GCKR: variants seen among roughly 807,000 people sequenced by gnomAD.
GCKR encodes the protein glucokinase regulatory protein.
A neutral mutation model predicts 82.9 loss-of-function variants in GCKR; 73 were observed. The observed-to-expected ratio is 0.88, with a 90% CI of 0.73 to 1.07. The LOEUF is 1.07. Ranked by LOEUF, GCKR falls within the 50% of genes least tolerant of loss-of-function variation. GCKR has a pLI of 0.00. For missense variants in GCKR, 784 were observed against 782.1 expected (o/e 1.00, Z -0.03); for synonymous variants, 294 against 291.8 (o/e 1.01, Z -0.08).
intron 9 of GCKR, 135 bp downstream of exon 9, chr2:27,503,754 G>A (rs2148582264): frequency 1.5e-6 from 1 of 676,574 alleles, no homozygotes; most frequent in Middle Eastern, 3.9e-4. Context: ...CAGCTAAAAT[G>A]TTATAAACCA....
chr2:27,499,370 A>G lies in GCKR; in HGVS notation c.496-27A>G, dbSNP rs774177724. On this transcript the variant is annotated intron_variant, in intron 6 of 18. Transcript: ENST00000264717. ...TGTGCCCTGGAATCCTCCCAGTTAC[A>G]CTACCTTGTCCATCCTCCTCTCCTA... The G allele has an allele frequency of 5.7e-5, 91 of 1,587,584 alleles. 1 individual carries two copies. The South Asian group carries it at 9.9e-4, about 17-fold the overall frequency.
chr2:27,506,677 A>G, intron 11 of GCKR, 98 bp downstream of exon 11: 1 of 1,097,244 alleles, frequency 9.1e-7, no homozygotes, highest in Non-Finnish European at 1.4e-6. Context: ...TATGGGCGAT[A>G]GGATTGCATG....
At chr2:27,520,288 AAAG>A (rs1456341206) in intron 17 of GCKR, among the ~76,000 whole-genome samples, 2 of 152,062 alleles carry the variant, frequency 1.3e-5, no homozygotes, top group Non-Finnish European at 2.9e-5. Flanking sequence ...ATTATAGCAA[AAAG>A]AAGGCCTCAT....
At chr2:27,500,010 G>A (rs1669537619) in intron 7 of GCKR, among the ~76,000 whole-genome samples, 1 of 151,980 alleles carries the variant, frequency 6.6e-6, no homozygotes, top group South Asian at 2.1e-4. Context: ...CACCTGCCTC[G>A]CTCAGCCTCT....
chr2:27,511,255 G>A (rs1475153152), intron 16 of GCKR, among the ~76,000 whole-genome samples: 1 of 151,556 alleles, frequency 6.6e-6, no homozygotes, highest in Non-Finnish European at 1.5e-5. Flanking sequence ...CTCGAACTTC[G>A]GACCTCAGGT....
Position 27,517,525 on chromosome 2 carries a change from C to T in GCKR, c.1423-1263C>T, listed in dbSNP as rs187749484. On this transcript the variant is annotated intron_variant, in intron 16 of 18. Transcript: ENST00000264717. ...CTATCCCAAGAACAGCATGGGGGAA[C>T]GCCCCCTGCCCCCCATGATTCAATT... Among the ~76,000 whole-genome samples, 45 of 152,224 alleles carry T rather than the reference C, an allele frequency of 3.0e-4. 1 individual carries two copies. Among genetic ancestry groups the T allele is most frequent in the African/African-American group, 9.6e-4 (40 of 41,540 alleles).
chr2:27,518,529 A>G (rs1670064367), intron 16 of GCKR, among the ~76,000 whole-genome samples: 1 of 152,196 alleles, frequency 6.6e-6, no homozygotes, highest in Admixed American at 6.5e-5. Flanking sequence ...AAATTCTAAT[A>G]TGGAAGGACT....
Position 27,506,808 on chromosome 2 carries a change from T to G in GCKR, c.989T>G (p.Val330Gly), listed in dbSNP as rs760836940. 5.0e-6 allele frequency: 8 copies of G among 1,612,776 alleles called. No homozygotes were observed. In the South Asian group the frequency reaches 8.8e-5, roughly 18 times the overall value. Residue 330 changes from valine (V) to glycine (G), a missense_variant, in exon 12 of 19, where the codon GTG becomes GGG. By Grantham distance (109) the Val-to-Gly change is moderately radical (BLOSUM62 -3). Coordinates refer to ENST00000264717, the MANE Select transcript of GCKR (RefSeq NM_001486.4). Reference protein sequence around the residue: ...VSTSLEKKGHVYLVGWQTLGI... With the variant: ...VSTSLEKKGHGYLVGWQTLGI... ...CTCAGTCTGGAGAAGAAAGGCCACG[T>G]GTACCTGGTTGGCTGGCAGACCCTG...
At position 27,497,352 on chromosome 2, in the gene GCKR, G is replaced by A; in HGVS notation, c.169G>A (p.Asp57Asn). The change falls in exon 2 of 19, where the codon GAT (aspartate) becomes AAT (asparagine). Residue 57 changes from aspartate (D) to asparagine (N), a missense_variant. Transcript: ENST00000264717. ...CATTGTTCGACTGCTAGGGCAATGT[G>A]ATGCTGAGATCTTCCAGGAGGAGGG... is the stretch of plus-strand genomic sequence containing the variant. Reference protein sequence around the residue: ...ENIVRLLGQCDAEIFQEEGQA... With the variant: ...ENIVRLLGQCNAEIFQEEGQA... 2.5e-6 allele frequency: 4 copies of A among 1,614,220 alleles called. No individual in the cohort carries two copies. Among genetic ancestry groups the A allele is most frequent in the Non-Finnish European group, 3.4e-6 (4 of 1,180,038 alleles).
In GCKR at chr2:27,522,498, C is replaced by T. The variant is rs1327541745; in HGVS notation, c.1611C>T (p.Ser537=). ...AGTCCAAGGCTCGATGCATCGAGAG[C>T]CTCCTCCGAGCGATCCACTTTCCCC... The part of the protein sequence containing the change: ...SGQSKARCIE[S]LLRAIHFPQP... Residue 537 remains serine, a synonymous_variant, in exon 18 of 19, where the codon AGC becomes AGT. Coordinates refer to ENST00000264717, the MANE Select transcript of GCKR (RefSeq NM_001486.4). The T allele has an allele frequency of 1.9e-6, 3 of 1,612,462 alleles. No homozygotes were observed. Among genetic ancestry groups the T allele is most frequent in the Non-Finnish European group, 8.5e-7 (1 of 1,178,482 alleles).
chr2:27,507,918 A>G (rs1470155884), intron 14 of GCKR, 59 bp from the exon 15 acceptor site: 10 of 1,288,306 alleles, frequency 7.8e-6, no homozygotes, highest in Non-Finnish European at 1.1e-5. Flanking sequence ...CAGCCAGGGG[A>G]GCAGGAGGAA....
chr2:27,502,982 A>G (rs575650009), intron 8 of GCKR, among the ~76,000 whole-genome samples: 3 of 152,348 alleles, frequency 2.0e-5, no homozygotes, highest in African/African-American at 7.2e-5. Context: ...TTTGTTCCCA[A>G]TTAATTTACT....
rs78686325 is a variant in GCKR, at chr2:27,509,076, C to T, written c.1422+825C>T. 2.1e-3 allele frequency among the ~76,000 whole-genome samples: 318 copies of T among 152,230 alleles called. 2 individuals carry two copies. Among genetic ancestry groups the T allele is most frequent in the Non-Finnish European group, 3.2e-3 (217 of 68,012 alleles). On this transcript the variant is annotated intron_variant, in intron 16 of 18. Transcript: ENST00000264717. Reference sequence around the variant, plus strand: ...ATGCCGGTCTAGCTCTACAGTGTGGCCCAAGAAAGCAAGCAATTTTACATC... The same window carrying T: ...ATGCCGGTCTAGCTCTACAGTGTGGTCCAAGAAAGCAAGCAATTTTACATC...
At position 27,505,816 on chromosome 2, in the gene GCKR, G is replaced by C; in HGVS notation, c.849G>C (p.Gln283His). Residue 283 changes from glutamine to histidine, a missense_variant, in exon 10 of 19, where the codon CAG becomes CAC. By Grantham distance (24) the Gln-to-His change is conservative. Transcript: ENST00000264717. ...TAGCAGCCCATAAGACTGTGGACCA[G>C]GGCATTGCAGCATCTCAAAGGTAGG... ...LLLAAHKTVD[Q>H]GIAASQRCLL... 2 of 1,575,888 alleles carry C rather than the reference G, an allele frequency of 1.3e-6. No homozygotes were observed. Among genetic ancestry groups the C allele is most frequent in the Non-Finnish European group, 1.7e-6 (2 of 1,145,098 alleles).
intron 16 of GCKR, among the ~76,000 whole-genome samples, chr2:27,508,605 C>T (rs906298374): frequency 2.0e-5 from 3 of 152,196 alleles, no homozygotes; most frequent in African/African-American, 7.2e-5. Flanking sequence ...ACTGCAACCT[C>T]TGCCTCTTGG....
At chr2:27,507,936 A>T in intron 14 of GCKR, 41 bp from the exon 15 acceptor site, 1 of 1,420,974 alleles carries the variant, frequency 7.0e-7, no homozygotes, top group Non-Finnish European at 1.0e-6. Flanking sequence ...GAACAGCTGC[A>T]CAGCCAGCCT....
At chr2:27,515,113 G>A (rs756396435) in intron 16 of GCKR, among the ~76,000 whole-genome samples, 2 of 152,080 alleles carry the variant, frequency 1.3e-5, no homozygotes, top group African/African-American at 2.4e-5. Flanking sequence ...AAGTAGCTGG[G>A]ATTACAGGTG....
chr2:27,506,948 C>A, intron 12 of GCKR, 63 bp downstream of exon 12: 1 of 1,085,428 alleles, frequency 9.2e-7, no homozygotes, highest in South Asian at 1.2e-5. Context: ...GGGCTGCTCT[C>A]CAAACACTGT....
intron 16 of GCKR, 130 bp downstream of exon 16, chr2:27,508,381 C>A: frequency 2.8e-6 from 2 of 714,980 alleles, no homozygotes; most frequent in Admixed American, 4.0e-5. Flanking sequence ...GCCAGCTGGG[C>A]AAGGTCATGG....
Sources: allele counts gnomAD v4.1 joint callset (sites outside exome capture counted in the v4.1 genomes callset), GRCh38; gene constraint gnomAD v4.1.1; transcripts MANE v1.5; gene names NCBI Gene and HGNC (gene_info 2026-07-23, HGNC 2026-07-21).